The following RIT2 variants were observed in gnomAD, a reference collection of about 807,000 sequenced individuals.
RIT2 encodes the protein Ras like without CAAX 2.
In RIT2, 24 loss-of-function variants were observed where a neutral mutation model predicts 23.7. That is an observed-to-expected ratio of 1.01 (90% CI 0.73 to 1.43). The LOEUF (loss-of-function observed/expected upper bound fraction) is 1.43, where lower values mean the gene tolerates loss of function less well. Among genes scored for constraint, RIT2 ranks in the 40% most tolerant of loss-of-function variants. RIT2 has a pLI of 0.00. For missense variants in RIT2, 236 were observed against 266.9 expected, an observed-to-expected ratio of 0.88 and a Z score of 0.81; for synonymous variants, 107 against 91.1, an observed-to-expected ratio of 1.17 and a Z score of -0.99.
At chr18:42,758,397 C>A (rs1172516257) in intron 4 of RIT2, among the ~76,000 whole-genome samples, 2 of 152,072 alleles carry the variant, frequency 1.3e-5, no homozygotes, top group Non-Finnish European at 2.9e-5. Flanking sequence ...GCAATTTTTA[C>A]CAACTGCAAT....
intron 4 of RIT2, among the ~76,000 whole-genome samples, chr18:42,763,461 C>CAAA (rs35389876): frequency 2.9e-5 from 4 of 137,662 alleles, no homozygotes; most frequent in African/African-American, 5.4e-5. Flanking sequence ...GACTCCGTCT[C>CAAA]AAAAAAAAAA....
chr18:42,920,378 C>G (rs1568030382), intron 4 of RIT2, among the ~76,000 whole-genome samples: 1 of 152,118 alleles, frequency 6.6e-6, no homozygotes, highest in Non-Finnish European at 1.5e-5. Flanking sequence ...TCAGTTGACT[C>G]ATATGTAAAT....
chr18:42,958,510 G>C (rs149941972), intron 3 of RIT2, among the ~76,000 whole-genome samples: 1,915 of 152,088 alleles, frequency 0.013, 41 homozygotes, highest in African/African-American at 0.044. Flanking sequence ...CATAAACTAG[G>C]GGTGCTTTTG....
chr18:43,115,392 C>T (rs1321259417), intron 1 of RIT2, 25 bp downstream of exon 1: 1 of 1,612,306 alleles, frequency 6.2e-7, no homozygotes, highest in Non-Finnish European at 8.5e-7. Context: ...TCCCTCCTTC[C>T]CCAGCATTTG....
In RIT2 at chr18:42,917,482, C is replaced by T. The variant is rs118087821; in HGVS notation, c.426+6090G>A. ...CAGTGTGCAGTATGAGTATGGAATT[C>T]GTGAACAGTCAGCAAGCACTATCCC... On this transcript the variant is annotated intron_variant, in intron 4 of 4. Transcript: ENST00000326695. 7.6e-3 allele frequency among the ~76,000 whole-genome samples: 1,150 copies of T among 152,106 alleles called. 11 individuals are homozygous for T. The highest frequency in any genetic ancestry group is 0.012 in the Non-Finnish European group (784 of 67,968).
At chr18:42,864,231 T>A (rs1907409724) in intron 4 of RIT2, among the ~76,000 whole-genome samples, 1 of 152,174 alleles carries the variant, frequency 6.6e-6, no homozygotes, top group Non-Finnish European at 1.5e-5. Flanking sequence ...GAACCAGGTA[T>A]CAACACTTGA....
chr18:42,772,720 AC>A (rs1156508136), intron 4 of RIT2, among the ~76,000 whole-genome samples: 4 of 152,136 alleles, frequency 2.6e-5, no homozygotes, highest in African/African-American at 9.7e-5. Context: ...TAATGAAGTG[AC>A]TTTTGACTTT....
chr18:43,085,730 G>C (rs576892973), intron 1 of RIT2, among the ~76,000 whole-genome samples: 1 of 151,350 alleles, frequency 6.6e-6, no homozygotes, highest in South Asian at 2.1e-4. Context: ...CAGTGACGTG[G>C]TTTGGCCGTG....
chr18:43,110,798 G>C (rs1218989842), intron 1 of RIT2, among the ~76,000 whole-genome samples: 1 of 152,014 alleles, frequency 6.6e-6, no homozygotes, highest in Non-Finnish European at 1.5e-5. Flanking sequence ...GTATATATAT[G>C]TGTGTTGTTT....
chr18:43,011,336 G>A (rs569986161), intron 2 of RIT2, among the ~76,000 whole-genome samples: 2 of 151,892 alleles, frequency 1.3e-5, no homozygotes, highest in East Asian at 3.9e-4. Context: ...GGGGCCAGCT[G>A]TGTTACTCTA....
intron 4 of RIT2, among the ~76,000 whole-genome samples, chr18:42,853,181 C>T (rs929606027): frequency 2.6e-5 from 4 of 152,014 alleles, no homozygotes; most frequent in Non-Finnish European, 4.4e-5. Context: ...TGACACCTGT[C>T]GTGTATGCAT....
At chr18:43,089,962 C>T (rs866405057) in intron 1 of RIT2, among the ~76,000 whole-genome samples, 12 of 151,980 alleles carry the variant, frequency 7.9e-5, no homozygotes, top group African/African-American at 2.7e-4. Flanking sequence ...GCAATACTAT[C>T]CTGGACCTAG....
chr18:43,089,114 G>A (rs113665828), intron 1 of RIT2, among the ~76,000 whole-genome samples: 1 of 152,124 alleles, frequency 6.6e-6, no homozygotes, highest in East Asian at 1.9e-4. Context: ...AGGGCAATCA[G>A]GCAAGAGAAA....
intron 1 of RIT2, among the ~76,000 whole-genome samples, chr18:43,077,006 G>A (rs1159142310): frequency 6.7e-6 from 1 of 149,558 alleles, no homozygotes; most frequent in East Asian, 2.0e-4. Flanking sequence ...GGGAGGCTGA[G>A]GCAGGAGAAT....
chr18:42,775,117 CAT>C (rs1913637229), intron 4 of RIT2, among the ~76,000 whole-genome samples: 1 of 152,136 alleles, frequency 6.6e-6, no homozygotes. Flanking sequence ...TTCTTACATA[CAT>C]TAAATTTATT....
At chr18:43,014,953 C>T (rs1911438729) in intron 2 of RIT2, among the ~76,000 whole-genome samples, 1 of 151,552 alleles carries the variant, frequency 6.6e-6, no homozygotes, top group Non-Finnish European at 1.5e-5. Context: ...TGAAGAATAA[C>T]ACAGAATGTA....
At chr18:42,837,357 T>C (rs1483368457) in intron 4 of RIT2, among the ~76,000 whole-genome samples, 1 of 151,634 alleles carries the variant, frequency 6.6e-6, no homozygotes, top group Non-Finnish European at 1.5e-5. Flanking sequence ...TTAGTAGAGA[T>C]GAGGTTTCAT....
chr18:42,949,662 A>G (rs1306049107), intron 3 of RIT2, among the ~76,000 whole-genome samples: 1 of 152,084 alleles, frequency 6.6e-6, no homozygotes, highest in Non-Finnish European at 1.5e-5. Flanking sequence ...ACTATTTCGT[A>G]TTAGTTACTC....
At chr18:42,958,657 A>G (rs752887841) in intron 3 of RIT2, among the ~76,000 whole-genome samples, 22 of 152,144 alleles carry the variant, frequency 1.4e-4, no homozygotes, top group Non-Finnish European at 2.8e-4. Context: ...ACGTCAGACC[A>G]TGTCCAGACC....
Sources: allele counts gnomAD v4.1 joint callset (sites outside exome capture counted in the v4.1 genomes callset), GRCh38; gene constraint gnomAD v4.1.1; transcripts MANE v1.5; gene names NCBI Gene and HGNC (gene_info 2026-07-23, HGNC 2026-07-21).